MYO3A: variants seen among roughly 807,000 people sequenced by gnomAD.
The protein encoded by MYO3A is myosin IIIA.
In MYO3A, 180 loss-of-function variants were observed where a neutral mutation model predicts 192.7. The observed-to-expected ratio is 0.93, with a 90% CI of 0.83 to 1.06. MYO3A has a LOEUF of 1.06. Among genes scored for constraint, MYO3A ranks in the 50% least tolerant of loss-of-function variants. The pLI is 0.00. For missense variants in MYO3A, 1,896 were observed against 1,905.0 expected, an observed-to-expected ratio of 1.00 and a Z score of 0.09; for synonymous variants, 628 against 645.3, an observed-to-expected ratio of 0.97 and a Z score of 0.41.
In MYO3A at chr10:26,166,970, G is replaced by A. The variant is rs149508860; in HGVS notation, c.3111+792G>A. Among the ~76,000 whole-genome samples, 36 of 152,280 alleles carry A rather than the reference G, an allele frequency of 2.4e-4. No homozygotes were observed. The East Asian group carries it at 6.2e-3, about 26-fold the overall frequency. On this transcript the variant is annotated intron_variant, in intron 27 of 34. Transcript: ENST00000642920. ...AAGAGAGGTCACTGTTTGGAGAAAG[G>A]ATGTATTGGTCTTCTCAGGTATTCT...
intron 17 of MYO3A, among the ~76,000 whole-genome samples, chr10:26,110,618 A>C (rs1838105579): frequency 6.6e-6 from 1 of 152,146 alleles, no homozygotes; most frequent in South Asian, 2.1e-4. Flanking sequence ...AATGATGAGG[A>C]GTGAGTAGGA....
intron 13 of MYO3A, 29 bp downstream of exon 13, chr10:26,070,244 T>C: frequency 6.3e-7 from 1 of 1,595,082 alleles, no homozygotes; most frequent in Non-Finnish European, 8.6e-7. Context: ...TCTTAGAAAT[T>C]TACCTCTTAG....
At chr10:26,183,567 T>C (rs1274572048) in intron 31 of MYO3A, among the ~76,000 whole-genome samples, 3 of 151,846 alleles carry the variant, frequency 2.0e-5, no homozygotes, top group Non-Finnish European at 4.4e-5. Flanking sequence ...AAACTAAAAG[T>C]CGTTTTCAAG....
intron 34 of MYO3A, among the ~76,000 whole-genome samples, chr10:26,208,851 C>T (rs1432114293): frequency 6.6e-6 from 1 of 152,204 alleles, no homozygotes; most frequent in South Asian, 2.1e-4. Context: ...CATTCATTTG[C>T]ATATATGTCC....
At chr10:26,102,982 A>G (rs1301066231) in intron 17 of MYO3A, among the ~76,000 whole-genome samples, 4 of 152,198 alleles carry the variant, frequency 2.6e-5, no homozygotes, top group Admixed American at 2.0e-4. Context: ...TTGTTCAGCT[A>G]TGCCCTTCCC....
chr10:25,964,559 A>T (rs1191522106), intron 4 of MYO3A, among the ~76,000 whole-genome samples: 1 of 152,100 alleles, frequency 6.6e-6, no homozygotes, highest in East Asian at 1.9e-4. Context: ...CTATGTCTTG[A>T]AAAGTTGTTG....
Position 26,088,196 on chromosome 10 carries a change from T to C in MYO3A, c.1360-7T>C. ...TTTTTAAAAATATCTTAATATTTTC[T>C]ATTTAGGCTAATAACAGAACCTTGC... On this transcript the variant is annotated splice_region_variant and splice_polypyrimidine_tract_variant and intron_variant, in intron 14 of 34. Transcript: ENST00000642920. 2 of 1,580,468 alleles carry C rather than the reference T, an allele frequency of 1.3e-6. No homozygotes were observed. Among genetic ancestry groups the C allele is most frequent in the Non-Finnish European group, 1.7e-6 (2 of 1,161,094 alleles).
intron 17 of MYO3A, among the ~76,000 whole-genome samples, chr10:26,098,417 T>G (rs1837199377): frequency 2.0e-5 from 3 of 152,374 alleles, no homozygotes; most frequent in East Asian, 3.8e-4. Context: ...TTAGTTTAAT[T>G]AGATCCCATT....
intron 31 of MYO3A, among the ~76,000 whole-genome samples, chr10:26,177,048 C>T (rs1317587458): frequency 6.6e-6 from 1 of 151,828 alleles, no homozygotes; most frequent in Admixed American, 6.6e-5. Flanking sequence ...TAATTCCCCT[C>T]CATTTAGTAT....
At chr10:26,026,249 T>A in intron 9 of MYO3A, 128 bp from the exon 10 acceptor site, 1 of 1,130,448 alleles carries the variant, frequency 8.8e-7, no homozygotes, top group Non-Finnish European at 1.3e-6. Flanking sequence ...ATTAATATAT[T>A]TTAAGCTTGG....
intron 31 of MYO3A, among the ~76,000 whole-genome samples, chr10:26,186,819 C>T (rs1434166621): frequency 6.6e-6 from 1 of 152,032 alleles, no homozygotes; most frequent in Non-Finnish European, 1.5e-5. Flanking sequence ...TAAATATAGC[C>T]TTCCAAGTCT....
At chr10:26,066,947 T>A in intron 10 of MYO3A, 28 bp from the exon 11 acceptor site, 1 of 1,526,926 alleles carries the variant, frequency 6.5e-7, no homozygotes, top group Admixed American at 1.7e-5. Context: ...TAATCAATTC[T>A]TAAATCAGAA....
chr10:26,054,957 G>C (rs1213433862), intron 10 of MYO3A, among the ~76,000 whole-genome samples: 4 of 152,172 alleles, frequency 2.6e-5, no homozygotes, highest in African/African-American at 9.7e-5. Flanking sequence ...AGCAGCAATG[G>C]GAAACTAATA....
chr10:25,953,938 A>G (rs998925432), intron 3 of MYO3A, among the ~76,000 whole-genome samples: 2 of 152,170 alleles, frequency 1.3e-5, no homozygotes, highest in South Asian at 2.1e-4. Flanking sequence ...GCATCCAAAC[A>G]TCTTGCAAAG....
intron 10 of MYO3A, among the ~76,000 whole-genome samples, chr10:26,037,926 C>T (rs968144682): frequency 6.6e-6 from 1 of 152,136 alleles, no homozygotes; most frequent in African/African-American, 2.4e-5. Flanking sequence ...TCCCTCCCCC[C>T]AACATTAGGA....
At position 25,986,941 on chromosome 10, in the gene MYO3A, A is replaced by T. The variant is rs147681218; in HGVS notation, c.304-9549A>T. Among the ~76,000 whole-genome samples the T allele has an allele frequency of 3.2e-3, 485 of 152,336 alleles. 1 individual carries two copies. Among genetic ancestry groups the T allele is most frequent in the African/African-American group, 0.011 (461 of 41,572 alleles). ...CAAAAAGAATAAATCTGGAGGCATC[A>T]CATTACCCAACTTCAAACCACACTA... On this transcript the variant is annotated intron_variant, in intron 4 of 34. Transcript: ENST00000642920.
At chr10:25,934,748 G>T (rs1835934107) in intron 1 of MYO3A, among the ~76,000 whole-genome samples, 1 of 150,936 alleles carries the variant, frequency 6.6e-6, no homozygotes, top group South Asian at 2.1e-4. Context: ...CCCGAGGAGG[G>T]AACGCGAGGG....
chr10:25,935,942 A>G (rs1405295003), intron 2 of MYO3A, 112 bp downstream of exon 2: 1 of 152,224 alleles, frequency 6.6e-6, no homozygotes, highest in African/African-American at 2.4e-5. Context: ...ATTACATTAT[A>G]AAAGATAATT....
At chr10:26,132,286 G>T (rs1839582721) in intron 20 of MYO3A, among the ~76,000 whole-genome samples, 1 of 152,198 alleles carries the variant, frequency 6.6e-6, no homozygotes, top group African/African-American at 2.4e-5. Flanking sequence ...TCCCACATGA[G>T]AAATGTACAT....
Sources: allele counts gnomAD v4.1 joint callset (sites outside exome capture counted in the v4.1 genomes callset), GRCh38; gene constraint gnomAD v4.1.1; transcripts MANE v1.5; gene names NCBI Gene and HGNC (gene_info 2026-07-23, HGNC 2026-07-21).